Variants in ZNF385D observed in about 807,000 individuals in gnomAD.
ZNF385D encodes zinc finger protein 659.
In ZNF385D, 15 loss-of-function variants were observed where a neutral mutation model predicts 35.8. The ratio of observed to expected loss-of-function variants is 0.42; its 90% CI spans 0.28 to 0.64. The LOEUF is 0.64. ZNF385D is among the 30% of genes least tolerant of loss of function. The probability of loss-of-function intolerance (pLI) is 0.23; values close to 1 mark genes in which losing one functional copy is unlikely to be tolerated. For synonymous variants in ZNF385D, 212 were observed against 186.8 expected, an observed-to-expected ratio of 1.13 and a Z score of -1.10; for missense variants, 474 against 494.6, an observed-to-expected ratio of 0.96 and a Z score of 0.39.
At chr3:22,159,782 T>C (rs945924051) in intron 3 of ZNF385D, among the ~76,000 whole-genome samples, 1 of 152,142 alleles carries the variant, frequency 6.6e-6, no homozygotes, top group African/African-American at 2.4e-5. Flanking sequence ...TACAGTGTCT[T>C]ATTATATATT....
At chr3:22,204,721 T>C (rs1697030057) in intron 2 of ZNF385D, among the ~76,000 whole-genome samples, 1 of 151,870 alleles carries the variant, frequency 6.6e-6, no homozygotes, top group African/African-American at 2.4e-5. Flanking sequence ...GCAACTGATA[T>C]ACTGAAAAAT....
At chr3:22,043,309 AATT>A (rs1234697922) in intron 3 of ZNF385D, among the ~76,000 whole-genome samples, 1 of 152,116 alleles carries the variant, frequency 6.6e-6, no homozygotes. Context: ...TTAGAGAGTG[AATT>A]ATTATGTTTC....
intron 3 of ZNF385D, among the ~76,000 whole-genome samples, chr3:22,136,978 A>T (rs75385129): frequency 0.031 from 4,651 of 152,226 alleles, 206 homozygotes; most frequent in African/African-American, 0.1. Flanking sequence ...CAGTAAAACT[A>T]TTCTATATGA....
At chr3:21,963,802 T>C (rs1211306946) in intron 3 of ZNF385D, among the ~76,000 whole-genome samples, 3 of 152,156 alleles carry the variant, frequency 2.0e-5, no homozygotes, top group Non-Finnish European at 4.4e-5. Flanking sequence ...TCTAGAGATA[T>C]AAATTAAAAG....
chr3:21,430,090 C>A (rs976077641), intron 5 of ZNF385D, among the ~76,000 whole-genome samples: 1 of 151,926 alleles, frequency 6.6e-6, no homozygotes, highest in African/African-American at 2.4e-5. Context: ...TCAAGTTAAC[C>A]TTTTATTATG....
In ZNF385D at chr3:21,485,383, G is replaced by A. The variant is rs114246641; in HGVS notation, c.439+25478C>T. 1.5e-3 allele frequency among the ~76,000 whole-genome samples: 221 copies of A among 152,208 alleles called. 1 individual carries two copies. The highest frequency in any genetic ancestry group is 5.0e-3 in the African/African-American group (208 of 41,548). ...GCAAGCTCTACTAAATACTGGAGCC[G>A]ACTTGAGAAGACAACTTGAATTGTC... On this transcript the variant is annotated intron_variant, in intron 4 of 7. Transcript: ENST00000281523.
chr3:21,826,850 G>T (rs1021693475), intron 3 of ZNF385D, among the ~76,000 whole-genome samples: 1 of 148,104 alleles, frequency 6.8e-6, no homozygotes, highest in Non-Finnish European at 1.5e-5. Context: ...CTCTCCTGTA[G>T]AACAAGGTTG....
Position 21,414,592 on chromosome 3 carries a change from T to A in ZNF385D, c.*6622A>T, listed in dbSNP as rs1700535759. The A allele has an allele frequency of 6.6e-6, 1 of 152,168 alleles. No homozygotes were observed. The highest frequency in any genetic ancestry group is 1.5e-5 in the Non-Finnish European group (1 of 68,012). The allele number at this position is 152,168 out of a possible 1,614,324, so 9.4% of individuals were successfully genotyped here. A position where few individuals can be genotyped will look rare whatever the true frequency, so the allele number is the denominator to read the frequency against. ...TTGCTTTTACTAAATTCAGCTTTTT[T>A]AAAAGCACATTTCTGTAATCAGTCA... On this transcript the variant is annotated 3_prime_UTR_variant, in exon 8 of 8. Transcript: ENST00000281523.
At chr3:21,775,579 A>T (rs2071254587) in intron 3 of ZNF385D, among the ~76,000 whole-genome samples, 1 of 151,820 alleles carries the variant, frequency 6.6e-6, no homozygotes, top group Admixed American at 6.6e-5. Context: ...CCTATATTGT[A>T]TCTAATTTCA....
At chr3:22,136,667 CA>C (rs1559397912) in intron 3 of ZNF385D, among the ~76,000 whole-genome samples, 3 of 152,026 alleles carry the variant, frequency 2.0e-5, no homozygotes, top group African/African-American at 7.2e-5. Context: ...TAATCATTGC[CA>C]AAACGTGGGA....
intron 3 of ZNF385D, among the ~76,000 whole-genome samples, chr3:21,960,472 T>A (rs1702528083): frequency 6.6e-6 from 1 of 152,096 alleles, no homozygotes; most frequent in Non-Finnish European, 1.5e-5. Context: ...AACGGATCCC[T>A]TGTACACTGT....
chr3:21,631,501 T>C (rs1176771281), intron 2 of ZNF385D, among the ~76,000 whole-genome samples: 2 of 152,172 alleles, frequency 1.3e-5, no homozygotes, highest in Non-Finnish European at 2.9e-5. Flanking sequence ...AAATACCATC[T>C]TCAATATCAA....
At chr3:21,993,884 A>G (rs1200142324) in intron 3 of ZNF385D, among the ~76,000 whole-genome samples, 1 of 152,126 alleles carries the variant, frequency 6.6e-6, no homozygotes, top group Non-Finnish European at 1.5e-5. Context: ...TCCTTTTTGT[A>G]TAATTTCTGC....
chr3:21,937,252 T>C lies in ZNF385D; in HGVS notation c.325+231565A>G, dbSNP rs562189903. Among the ~76,000 whole-genome samples the C allele has an allele frequency of 1.1e-4, 16 of 152,194 alleles. No homozygotes were observed. The East Asian group carries it at 2.9e-3, about 28-fold the overall frequency. On this transcript the variant is annotated intron_variant, in intron 3 of 5. Transcript: ENST00000494108. ...AAGCCTTAAAAAAATAAAAGTACAA[T>C]AAAGGTCTGTGATCCAGAACATCTT... is the stretch of plus-strand genomic sequence containing the variant.
chr3:22,006,721 T>C (rs1414928715), intron 3 of ZNF385D, among the ~76,000 whole-genome samples: 1 of 152,016 alleles, frequency 6.6e-6, no homozygotes, highest in Non-Finnish European at 1.5e-5. Context: ...AAGCTTTTTT[T>C]TGTGAAAACA....
At chr3:22,235,351 A>G (rs1249127982) in intron 2 of ZNF385D, among the ~76,000 whole-genome samples, 2 of 152,098 alleles carry the variant, frequency 1.3e-5, no homozygotes, top group Non-Finnish European at 2.9e-5. Flanking sequence ...ATGTGTTTGT[A>G]ATACTGAAAG....
chr3:22,091,119 C>G (rs571046175), intron 3 of ZNF385D, among the ~76,000 whole-genome samples: 32 of 152,146 alleles, frequency 2.1e-4, no homozygotes, highest in Admixed American at 6.6e-4. Context: ...ATATAGGAAA[C>G]TAACTAGAGA....
intron 3 of ZNF385D, among the ~76,000 whole-genome samples, chr3:22,015,874 A>T (rs9990206): frequency 0.051 from 7,796 of 152,128 alleles, 675 homozygotes; most frequent in African/African-American, 0.17. Context: ...CATCTGCAAG[A>T]TGGCACCTTG....
intron 3 of ZNF385D, among the ~76,000 whole-genome samples, chr3:21,796,741 C>G (rs1371364220): frequency 6.6e-6 from 1 of 152,120 alleles, no homozygotes; most frequent in African/African-American, 2.4e-5. Flanking sequence ...GAAAATGAGG[C>G]TCAAAGAGTG....
Sources: allele counts gnomAD v4.1 joint callset (sites outside exome capture counted in the v4.1 genomes callset), GRCh38; gene constraint gnomAD v4.1.1; transcripts MANE v1.5; gene names NCBI Gene and HGNC (gene_info 2026-07-23, HGNC 2026-07-21).